The following CDK8 variants were observed in gnomAD, a reference collection of about 807,000 sequenced individuals.
CDK8 encodes cyclin-dependent kinase 8.
CDK8 carries 29 observed loss-of-function variants against 71.5 expected under a neutral mutation model. The observed-to-expected ratio is 0.41, with a 90% confidence interval of 0.30 to 0.55. CDK8 has a LOEUF of 0.55. Among genes scored for constraint, CDK8 ranks in the 20% least tolerant of loss-of-function variants. The probability of loss-of-function intolerance (pLI) is 0.37; values close to 1 mark genes in which losing one functional copy is unlikely to be tolerated. For synonymous variants in CDK8, 161 were observed against 192.1 expected, an observed-to-expected ratio of 0.84 and a Z score of 1.34; for missense variants, 288 against 572.6, an observed-to-expected ratio of 0.50 and a Z score of 5.07.
At chr13:26,270,974 A>G (rs9581607) in intron 1 of CDK8, among the ~76,000 whole-genome samples, 16,474 of 152,198 alleles carry the variant, frequency 0.11, 2,641 homozygotes, top group African/African-American at 0.35. Context: ...CGTTCTTGCC[A>G]ACACTTGTTT....
At chr13:26,371,466 A>G (rs1381149897) in intron 4 of CDK8, among the ~76,000 whole-genome samples, 4 of 152,182 alleles carry the variant, frequency 2.6e-5, no homozygotes, top group Admixed American at 6.5e-5. Flanking sequence ...GTCTCTTGGA[A>G]TATGGAAGTT....
chr13:26,281,940 A>G lies in CDK8; in HGVS notation c.128+27171A>G, dbSNP rs144277826. On this transcript the variant is annotated intron_variant, in intron 1 of 12. Transcript: ENST00000381527. ...TGCAGTATGCACTGGAATTCCCACAATAGACTAGAACAAATAGAAGAAAGA... is the reference window on the plus strand; with the variant it reads ...TGCAGTATGCACTGGAATTCCCACAGTAGACTAGAACAAATAGAAGAAAGA... Among the ~76,000 whole-genome samples, 116 of 152,176 alleles carry G rather than the reference A, an allele frequency of 7.6e-4. 1 individual carries two copies. Among genetic ancestry groups the G allele is most frequent in the Non-Finnish European group, 1.3e-3 (89 of 68,006 alleles).
intron 1 of CDK8, among the ~76,000 whole-genome samples, chr13:26,283,938 T>G (rs905804656): frequency 6.7e-6 from 1 of 149,826 alleles, no homozygotes; most frequent in Non-Finnish European, 1.5e-5. Context: ...TTATATCAGG[T>G]ACCTTCTCAG....
rs1872346638 is a variant in CDK8 at position 26,271,939 on chromosome 13, T to A, written c.128+17170T>A. The stretch of plus-strand genomic sequence containing the variant: ...TTGCTCTGGGTGAGTCAGTGGTAAG[T>A]GCATGTGAAGGCCTAGGACATTGCT... On this transcript the variant is annotated intron_variant, in intron 1 of 12. Transcript: ENST00000381527. Among the ~76,000 whole-genome samples the A allele has an allele frequency of 4.7e-5, 7 of 149,494 alleles. No homozygotes were observed. In the Admixed American group the frequency reaches 4.7e-4, roughly 10 times the overall value.
chr13:26,275,797 T>TTA (rs1241477244), intron 1 of CDK8, among the ~76,000 whole-genome samples: 1 of 152,210 alleles, frequency 6.6e-6, no homozygotes, highest in Non-Finnish European at 1.5e-5. Flanking sequence ...GATATTCATG[T>TTA]TATATATATT....
In CDK8 at chr13:26,401,652, G is replaced by C; in HGVS notation, c.1269+28G>C. 1 of 1,607,642 alleles carries C rather than the reference G, an allele frequency of 6.2e-7. No individual in the cohort carries two copies. The highest frequency in any genetic ancestry group is 8.5e-7 in the Non-Finnish European group (1 of 1,174,234). On this transcript the variant is annotated intron_variant, in intron 12 of 12. Transcript: ENST00000381527. This position sits in a 1 kb window ranked among gnomAD's most constrained non-coding sequence, Gnocchi z 4.5. Reference sequence around the variant, plus strand: ...ATTCCAAGTTTATTTTGTATTGACTGCATGTCAGTGTTTACATATGGGTTT... The same window carrying C: ...ATTCCAAGTTTATTTTGTATTGACTCCATGTCAGTGTTTACATATGGGTTT...
intron 4 of CDK8, among the ~76,000 whole-genome samples, chr13:26,374,926 G>A (rs991859916): frequency 2.6e-5 from 4 of 152,020 alleles, no homozygotes; most frequent in African/African-American, 9.7e-5. Context: ...AGGAATTTTT[G>A]ATAGATGCAT....
chr13:26,323,374 A>C (rs1874881145), intron 1 of CDK8, among the ~76,000 whole-genome samples: 1 of 84,924 alleles, frequency 1.2e-5, no homozygotes, highest in East Asian at 4.1e-4. Flanking sequence ...GGAGAGGGAG[A>C]GGGAACAAGC....
intron 1 of CDK8, among the ~76,000 whole-genome samples, chr13:26,317,798 GT>G (rs1213118405): frequency 6.6e-6 from 1 of 152,098 alleles, no homozygotes; most frequent in African/African-American, 2.4e-5. Context: ...AAAAGCAGTA[GT>G]AAGGGGGAAG....
chr13:26,272,111 A>G (rs1049160140), intron 1 of CDK8, among the ~76,000 whole-genome samples: 1 of 151,946 alleles, frequency 6.6e-6, no homozygotes, highest in Non-Finnish European at 1.5e-5. Flanking sequence ...TGATTCTTGT[A>G]TAATAACTTA....
intron 4 of CDK8, among the ~76,000 whole-genome samples, chr13:26,372,488 AATATAC>A (rs1467793520): frequency 1.2e-4 from 18 of 152,364 alleles, no homozygotes; most frequent in African/African-American, 4.1e-4. Context: ...TAGTTAATTT[AATATAC>A]ACTTACATAG....
chr13:26,389,889 T>C (rs1875665347), intron 6 of CDK8, among the ~76,000 whole-genome samples: 1 of 151,928 alleles, frequency 6.6e-6, no homozygotes, highest in Admixed American at 6.5e-5. Flanking sequence ...TCCCAGCTGC[T>C]CAGGAAGCTG....
intron 4 of CDK8, among the ~76,000 whole-genome samples, chr13:26,376,782 A>G (rs1874972091): frequency 6.6e-6 from 1 of 152,140 alleles, no homozygotes; most frequent in African/African-American, 2.4e-5. Context: ...TCAAAACCCC[A>G]TAGTATCTGC....
At chr13:26,262,221 T>C (rs958808181) in intron 1 of CDK8, among the ~76,000 whole-genome samples, 3 of 152,244 alleles carry the variant, frequency 2.0e-5, no homozygotes, top group Admixed American at 6.5e-5. Flanking sequence ...TTCACTGATA[T>C]ATTATGTAAC....
At chr13:26,255,735 G>A (rs1871495684) in intron 1 of CDK8, among the ~76,000 whole-genome samples, 1 of 152,176 alleles carries the variant, frequency 6.6e-6, no homozygotes, top group South Asian at 2.1e-4. Context: ...AAAAGTCAAA[G>A]CTTATTATAT....
At position 26,401,885 on chromosome 13, in the gene CDK8, C is replaced by T. The variant is rs1876276659; in HGVS notation, c.1269+261C>T. On this transcript the variant is annotated intron_variant, in intron 12 of 12. Transcript: ENST00000381527. This position sits in a 1 kb window ranked among gnomAD's most constrained non-coding sequence, Gnocchi z 4.5. Reference sequence around the variant, plus strand: ...ACCTTGGACAAGTAGGATAATATCTCCTGGCGTTTTTTCATCTGTAAAATG... The same window carrying T: ...ACCTTGGACAAGTAGGATAATATCTTCTGGCGTTTTTTCATCTGTAAAATG... Among the ~76,000 whole-genome samples the T allele has an allele frequency of 6.6e-6, 1 of 152,168 alleles. No homozygotes were observed. Among genetic ancestry groups the T allele is most frequent in the Admixed American group, 6.5e-5 (1 of 15,278 alleles).
Position 26,397,206 on chromosome 13 carries a change from A to G in CDK8, c.914A>G (p.Asp305Gly). 6.3e-7 allele frequency: 1 copy of G among 1,595,478 alleles called. No homozygotes were observed. The highest frequency in any genetic ancestry group is 8.6e-7 in the Non-Finnish European group (1 of 1,165,966). Residue 305 changes from aspartate (D) to glycine (G), a missense_variant, in exon 9 of 13, where the codon GAT becomes GGT. Physicochemically the swap from Asp to Gly is moderately conservative, Grantham distance 94. Transcript: ENST00000381527. ...KYMEKHKVKP[D>G]SKAFHLLQKL... The stretch of plus-strand genomic sequence containing the variant: ...ATGGAAAAACATAAAGTTAAACCAG[A>G]TAGTAAAGCATTCCACTTGGTAAGC...
rs895784462 is a variant in CDK8 at position 26,324,877 on chromosome 13, T to C, written c.129-12690T>C. The C allele has an allele frequency of 1.5e-5, 7 of 457,924 alleles. No individual in the cohort carries two copies. The South Asian group carries it at 3.7e-4, about 24-fold the overall frequency. 28.4% of individuals were successfully genotyped at this position (457,924 alleles called of 1,614,324 possible). ...CTAGTTCTGATAATGTACTGTAATT[T>C]TATAACTGAAACAGACAAGAAAAGA... On this transcript the variant is annotated intron_variant, in intron 1 of 12. Coordinates refer to ENST00000381527, the MANE Select transcript of CDK8 (RefSeq NM_001260.3).
At chr13:26,288,523 A>G (rs1447972976) in intron 1 of CDK8, among the ~76,000 whole-genome samples, 1 of 151,650 alleles carries the variant, frequency 6.6e-6, no homozygotes, top group Non-Finnish European at 1.5e-5. Context: ...GTTATTTAAA[A>G]TCACCCTAGT....
Sources: allele counts gnomAD v4.1 joint callset (sites outside exome capture counted in the v4.1 genomes callset), GRCh38; gene constraint gnomAD v4.1.1; non-coding constraint Gnocchi (gnomAD v3.1); transcripts MANE v1.5; gene names NCBI Gene and HGNC (gene_info 2026-07-23, HGNC 2026-07-21).